SVIL: variants seen among roughly 807,000 people sequenced by gnomAD.
SVIL encodes archvillin.
A neutral mutation model predicts 240.4 loss-of-function variants in SVIL; 101 were observed. The observed-to-expected ratio is 0.42, with a 90% CI of 0.36 to 0.50. SVIL has a LOEUF of 0.50. Ranked by LOEUF, SVIL falls within the 20% of genes least tolerant of loss-of-function variation. SVIL has a pLI of 0.01. For missense variants in SVIL, 2,512 were observed against 2,818.7 expected (o/e 0.89, Z 2.46); for synonymous variants, 999 against 1,100.0 (o/e 0.91, Z 1.82).
At position 29,550,794 on chromosome 10, in the gene SVIL, C is replaced by T. The variant is rs766570036; in HGVS notation, c.630G>A (p.Glu210=). 3 of 1,614,134 alleles carry T rather than the reference C, an allele frequency of 1.9e-6. No homozygotes were observed. Among genetic ancestry groups the T allele is most frequent in the South Asian group, 1.1e-5 (1 of 91,076 alleles). ...CATGGGCCTGCCGGGTGGCACTCAG[C>T]TCTTGACCTCGTCTTTGGTTTTCTA... ...LNIENQRRGQ[E]LSATRQAHDL... The change falls in exon 6 of 38, where the codon GAG becomes GAA. Residue 210 remains glutamate, a synonymous_variant. Transcript: ENST00000355867.
intron 17 of SVIL, chr10:29,508,078 A>G (rs535501872): frequency 6.3e-4 from 180 of 287,012 alleles, no homozygotes; most frequent in Non-Finnish European, 1.1e-3. Context: ...TGTCAGTTAC[A>G]GAGAGAGGAA....
chr10:29,459,356 G>T (rs1380008447), intron 36 of SVIL, among the ~76,000 whole-genome samples: 1 of 152,154 alleles, frequency 6.6e-6, no homozygotes, highest in Non-Finnish European at 1.5e-5. Context: ...TTGTCACAGA[G>T]TTTTAAACAA....
chr10:29,563,928 C>T (rs1263613753), intron 2 of SVIL, among the ~76,000 whole-genome samples: 1 of 151,970 alleles, frequency 6.6e-6, no homozygotes, highest in African/African-American at 2.4e-5. Context: ...CTGCTTTCCC[C>T]CATGTATCTC....
chr10:29,502,671 A>ATGTG (rs150239875), intron 17 of SVIL, among the ~76,000 whole-genome samples: 2 of 148,156 alleles, frequency 1.3e-5, no homozygotes, highest in African/African-American at 5.1e-5. Context: ...GTGTATGCAC[A>ATGTG]TGTGTGTGTG....
intron 17 of SVIL, among the ~76,000 whole-genome samples, chr10:29,509,330 G>GGAGAGAGA (rs66616602): frequency 0.026 from 1,736 of 66,736 alleles, 125 homozygotes; most frequent in Non-Finnish European, 0.034. Flanking sequence ...GGAGGGGGAG[G>GGAGAGAGA]GAGAGAGAGA....
rs374673535 is a variant in SVIL at position 29,458,550 on chromosome 10, C to A, written c.6442G>T (p.Val2148Phe). The A allele has an allele frequency of 6.2e-7, 1 of 1,612,244 alleles. No individual in the cohort carries two copies. The highest frequency in any genetic ancestry group is 8.5e-7 in the Non-Finnish European group (1 of 1,179,224). ...VSNQITLVED[V>F]LAKLCKTIYP... ...ATGGTTTTACAGAGCTTGGCTAAGA[C>A]GTCTTCCACGAGGGTGATCTGATTG... Residue 2148 changes from valine to phenylalanine, a missense_variant, in exon 37 of 38, where the codon GTC becomes TTC. Physicochemically the swap from Val to Phe is conservative, Grantham distance 50. Coordinates refer to ENST00000355867, the MANE Select transcript of SVIL (RefSeq NM_021738.3).
chr10:29,472,598 C>G (rs1241365194), intron 30 of SVIL, among the ~76,000 whole-genome samples: 5 of 152,226 alleles, frequency 3.3e-5, no homozygotes, highest in African/African-American at 9.6e-5. Context: ...GAGACTCAGG[C>G]AGAGCTCATC....
intron 1 of SVIL, among the ~76,000 whole-genome samples, chr10:29,615,562 A>T (rs1957399275): frequency 6.6e-6 from 1 of 152,270 alleles, no homozygotes; most frequent in African/African-American, 2.4e-5. Flanking sequence ...CTTCTGGAGA[A>T]GGTTTGAATG....
intron 3 of SVIL, among the ~76,000 whole-genome samples, chr10:29,649,299 T>C (rs1958764474): frequency 6.6e-6 from 1 of 152,214 alleles, no homozygotes; most frequent in African/African-American, 2.4e-5. Context: ...ATCTGCACTC[T>C]AGAACAAATG....
At chr10:29,638,533 C>A (rs1236703885), upstream of SVIL, among the ~76,000 whole-genome samples, 3 of 151,814 alleles carry the variant, frequency 2.0e-5, no homozygotes, top group Non-Finnish European at 1.5e-5. Context: ...AAAAAACAAA[C>A]CTACTTCAAA....
At chr10:29,476,583 T>G (rs987982838) in intron 29 of SVIL, among the ~76,000 whole-genome samples, 2 of 151,976 alleles carry the variant, frequency 1.3e-5, no homozygotes, top group Non-Finnish European at 2.9e-5. Context: ...TTTATTTTTT[T>G]GTATAAACAA....
intron 1 of SVIL, among the ~76,000 whole-genome samples, chr10:29,733,110 C>A (rs934722363): frequency 6.6e-6 from 1 of 152,174 alleles, no homozygotes; most frequent in African/African-American, 2.4e-5. Context: ...TTGCCATATT[C>A]ACTAAGAACA....
intron 1 of SVIL, among the ~76,000 whole-genome samples, chr10:29,717,913 AT>A (rs1176718089): frequency 6.6e-6 from 1 of 152,250 alleles, no homozygotes. Context: ...TACATATCAA[AT>A]TTTAAGACTT....
chr10:29,675,391 C>G (rs549023066), intron 2 of SVIL, among the ~76,000 whole-genome samples: 1 of 152,310 alleles, frequency 6.6e-6, no homozygotes, highest in East Asian at 1.9e-4. Flanking sequence ...GTGGTCCTAG[C>G]TTCTCAGGAG....
At chr10:29,681,197 TTGTG>T (rs1476045775) in intron 2 of SVIL, among the ~76,000 whole-genome samples, 1 of 151,676 alleles carries the variant, frequency 6.6e-6, no homozygotes, top group African/African-American at 2.4e-5. Context: ...GAGAAGGGAA[TTGTG>T]TGGGAAGAGA....
At chr10:29,546,590 A>G (rs1355348897) in intron 6 of SVIL, among the ~76,000 whole-genome samples, 2 of 152,128 alleles carry the variant, frequency 1.3e-5, no homozygotes, top group East Asian at 3.8e-4. Flanking sequence ...AGTACAGTAT[A>G]GTGAAGTATA....
rs757467414 is a variant in SVIL, at chr10:29,666,187, G to A, written c.-300-8119C>T. ...CCTGCCTCAGCCTTTCAAAGTGCTA[G>A]GATTACAAGCGTGAGCCACCGTGTA... On this transcript the variant is annotated intron_variant, in intron 2 of 35. Transcript: ENST00000375400. Among the ~76,000 whole-genome samples, 133 of 152,194 alleles carry A rather than the reference G, an allele frequency of 8.7e-4. 1 individual carries two copies. Among genetic ancestry groups the A allele is most frequent in the Admixed American group, 3.9e-4 (6 of 15,284 alleles).
In SVIL at chr10:29,488,652, A is replaced by G. The variant is rs201161635; in HGVS notation, c.4297T>C (p.Ser1433Pro). The G allele has an allele frequency of 1.7e-5, 27 of 1,612,638 alleles. No individual in the cohort carries two copies. The highest frequency in any genetic ancestry group is 2.0e-5 in the Non-Finnish European group (24 of 1,179,576). Reference sequence around the variant, plus strand: ...TTGTAGGGCACGGCGCTGTTGTTAGAGTTCTGTTCCGTCAGGTTGACGCTC... The same window carrying G: ...TTGTAGGGCACGGCGCTGTTGTTAGGGTTCTGTTCCGTCAGGTTGACGCTC... ...LRSVNLTEQN[S>P]NNSAVPYKRL... The change falls in exon 23 of 38, where the codon TCT becomes CCT. Residue 1433 changes from serine to proline, a missense_variant. This residue lies in a region of SVIL where 272 missense variants were observed against 406.8 expected (regional missense o/e 0.67). Transcript: ENST00000355867.
chr10:29,562,784 A>G (rs1476925326), intron 3 of SVIL, among the ~76,000 whole-genome samples: 15 of 150,480 alleles, frequency 1.0e-4, no homozygotes, highest in African/African-American at 3.4e-4. Flanking sequence ...AAAAAAAAAA[A>G]AAAAAAAAAA....
Sources: gnomAD v4.1 joint callset for allele counts (sites outside exome capture counted in the v4.1 genomes callset) on GRCh38, gnomAD v4.1.1 for gene constraint, gnomAD v4.1.1 regional missense constraint, MANE v1.5 for transcripts, NCBI Gene and HGNC (gene_info 2026-07-23, HGNC 2026-07-21) for gene names.